RBFOX1: variants seen among roughly 807,000 people sequenced by gnomAD.
RBFOX1 encodes the protein RNA binding fox-1 homolog 1.
A neutral mutation model predicts 57.7 loss-of-function variants in RBFOX1; 8 were observed. The observed-to-expected ratio is 0.14, with a 90% CI of 0.08 to 0.25. The LOEUF (loss-of-function observed/expected upper bound fraction) is 0.25. Ranked by LOEUF, RBFOX1 falls within the 10% of genes least tolerant of loss-of-function variation. The pLI is 1.00. For synonymous variants in RBFOX1, 326 were observed against 222.4 expected (o/e 1.47, Z -4.15); for missense variants, 611 against 548.5 (o/e 1.11, Z -1.14).
intron 3 of RBFOX1, among the ~76,000 whole-genome samples, chr16:6,717,858 C>T (rs147402260): frequency 6.6e-6 from 1 of 152,044 alleles, no homozygotes; most frequent in African/African-American, 2.4e-5. Context: ...TGGGATACCC[C>T]CTGCCTAGAG....
chr16:5,447,541 GCACCCGC>G (rs1567523888), intron 1 of RBFOX1, among the ~76,000 whole-genome samples: 1 of 152,098 alleles, frequency 6.6e-6, no homozygotes, highest in Non-Finnish European at 1.5e-5. Context: ...GGGATTACAG[GCACCCGC>G]CACCACGCCC....
chr16:7,663,996 A>G (rs949647354), intron 12 of RBFOX1, among the ~76,000 whole-genome samples: 3 of 152,072 alleles, frequency 2.0e-5, no homozygotes, highest in Non-Finnish European at 2.9e-5. Flanking sequence ...TCTTTCTGGG[A>G]TGGTCACTAC....
At chr16:5,734,443 G>A (rs1003979353) in intron 3 of RBFOX1, among the ~76,000 whole-genome samples, 2 of 152,098 alleles carry the variant, frequency 1.3e-5, no homozygotes, top group Admixed American at 6.5e-5. Context: ...AAAATAAAAA[G>A]AAAGAAAGAA....
chr16:6,644,166 C>T (rs72762969), intron 2 of RBFOX1, among the ~76,000 whole-genome samples: 8,807 of 152,162 alleles, frequency 0.058, 359 homozygotes, highest in Non-Finnish European at 0.088. Flanking sequence ...CCAGTATGCT[C>T]TTAGTCTTAG....
At chr16:6,069,053 A>T (rs1232327004) in intron 1 of RBFOX1, among the ~76,000 whole-genome samples, 1 of 152,044 alleles carries the variant, frequency 6.6e-6, no homozygotes, top group Non-Finnish European at 1.5e-5. Context: ...AGGGAAGGAG[A>T]GAAGGAAGAA....
intron 3 of RBFOX1, among the ~76,000 whole-genome samples, chr16:6,689,904 C>G (rs144103751): frequency 3.4e-3 from 511 of 152,228 alleles, no homozygotes; most frequent in East Asian, 0.027. Context: ...TGAGTGTGTG[C>G]TTGTGTTTGT....
chr16:6,622,147 T>C (rs1306655965), intron 2 of RBFOX1, among the ~76,000 whole-genome samples: 2 of 152,210 alleles, frequency 1.3e-5, no homozygotes, highest in South Asian at 2.1e-4. Flanking sequence ...TTAAGTACTT[T>C]ATTGAATGAT....
chr16:6,370,032 T>A (rs2090193147), intron 2 of RBFOX1, among the ~76,000 whole-genome samples: 1 of 152,148 alleles, frequency 6.6e-6, no homozygotes, highest in African/African-American at 2.4e-5. Flanking sequence ...ACAGTCTTGC[T>A]TGGTCTTTTA....
At chr16:6,894,609 T>C (rs779093991) in intron 3 of RBFOX1, among the ~76,000 whole-genome samples, 2 of 152,188 alleles carry the variant, frequency 1.3e-5, no homozygotes, top group African/African-American at 4.8e-5. Context: ...CAGTGCAATT[T>C]CGTGACAGTT....
chr16:6,237,573 C>G (rs2097515016), intron 1 of RBFOX1, among the ~76,000 whole-genome samples: 1 of 151,960 alleles, frequency 6.6e-6, no homozygotes, highest in Non-Finnish European at 1.5e-5. Context: ...GAAACCTCGT[C>G]TTTACTAAAA....
intron 3 of RBFOX1, among the ~76,000 whole-genome samples, chr16:6,868,678 G>T (rs1207539708): frequency 6.6e-6 from 1 of 152,102 alleles, no homozygotes; most frequent in Non-Finnish European, 1.5e-5. Context: ...CACCATGTTG[G>T]CCAGGCTGGT....
intron 1 of RBFOX1, among the ~76,000 whole-genome samples, chr16:5,437,876 G>C (rs902585127): frequency 1.3e-5 from 2 of 152,120 alleles, no homozygotes; most frequent in Admixed American, 1.3e-4. Context: ...TAGAAGCTCT[G>C]AATAAGACAT....
intron 2 of RBFOX1, among the ~76,000 whole-genome samples, chr16:6,466,374 C>T (rs894431980): frequency 6.6e-6 from 1 of 152,044 alleles, no homozygotes; most frequent in African/African-American, 2.4e-5. Context: ...GAGGTACTTT[C>T]CCATATGTTA....
chr16:6,763,923 C>T (rs904019110), intron 3 of RBFOX1, among the ~76,000 whole-genome samples: 1 of 152,172 alleles, frequency 6.6e-6, no homozygotes, highest in Non-Finnish European at 1.5e-5. Context: ...TTGTATATGT[C>T]CTATGGTTCC....
At chr16:7,160,819 T>A (rs1032872253) in intron 4 of RBFOX1, among the ~76,000 whole-genome samples, 15 of 137,674 alleles carry the variant, frequency 1.1e-4, no homozygotes, top group African/African-American at 4.1e-4. Context: ...TTCTCCCTCC[T>A]CCCTCCTCCC....
At chr16:7,227,543 C>T (rs765485487) in intron 4 of RBFOX1, among the ~76,000 whole-genome samples, 1 of 152,156 alleles carries the variant, frequency 6.6e-6, no homozygotes, top group Non-Finnish European at 1.5e-5. Context: ...AGTGGTTTCC[C>T]TGGGGGCAGC....
At chr16:6,649,715 G>A (rs908615094) in intron 2 of RBFOX1, among the ~76,000 whole-genome samples, 1 of 152,094 alleles carries the variant, frequency 6.6e-6, no homozygotes, top group Non-Finnish European at 1.5e-5. Flanking sequence ...TTATGGCTCA[G>A]TAGTATTCCA....
chr16:6,315,796 A>G (rs937388653), intron 1 of RBFOX1, among the ~76,000 whole-genome samples: 6 of 152,152 alleles, frequency 3.9e-5, no homozygotes, highest in African/African-American at 1.4e-4. Flanking sequence ...CCTCTTTCCA[A>G]TATTTTGAAG....
intron 2 of RBFOX1, among the ~76,000 whole-genome samples, chr16:5,511,218 C>T (rs999327868): frequency 1.1e-4 from 16 of 152,330 alleles, no homozygotes; most frequent in Admixed American, 3.9e-4. Context: ...GCAGTGGCAG[C>T]ATTTTAAACA....
Sources: allele counts gnomAD v4.1 joint callset (sites outside exome capture counted in the v4.1 genomes callset), GRCh38; gene constraint gnomAD v4.1.1; transcripts MANE v1.5; gene names NCBI Gene and HGNC (gene_info 2026-07-23, HGNC 2026-07-21).